The following TAGLN variants were observed in gnomAD, a reference collection of about 807,000 sequenced individuals.
The protein encoded by TAGLN is 22 kDa actin-binding protein.
TAGLN carries 16 observed loss-of-function variants against 21.9 expected under a neutral mutation model. The ratio of observed to expected loss-of-function variants is 0.73; its 90% CI spans 0.49 to 1.11. The LOEUF (loss-of-function observed/expected upper bound fraction) is 1.11. Among genes scored for constraint, TAGLN ranks in the 50% least tolerant of loss-of-function variants. The pLI, the probability that TAGLN is intolerant of heterozygous loss-of-function variation, is 0.00. For missense variants in TAGLN, 248 were observed against 263.2 expected (o/e 0.94, Z 0.40); for synonymous variants, 96 against 94.9 (o/e 1.01, Z -0.06).
Position 117,207,443 on chromosome 11 carries a change from T to C in TAGLN, c.*3084T>C. 1 of 370,622 alleles carries C rather than the reference T, an allele frequency of 2.7e-6. No homozygotes were observed. The highest frequency in any genetic ancestry group is 3.8e-5 in the Admixed American group (1 of 26,296). 23.0% of individuals were successfully genotyped at this position (370,622 alleles called of 1,614,324 possible). ...TAGAAAAAAATGTCTTTCCACCAAA[T>C]TAAAGAAAGCTTTGAAAACCACTGG... On this transcript the variant is annotated 3_prime_UTR_variant, in exon 5 of 5. Coordinates refer to ENST00000392951, the MANE Select transcript of TAGLN (RefSeq NM_003186.5).
chr11:117,204,416 C>T lies in TAGLN; in HGVS notation c.*57C>T, dbSNP rs758729284. 6.2e-7 allele frequency: 1 copy of T among 1,611,614 alleles called. No individual in the cohort carries two copies. The highest frequency in any genetic ancestry group is 1.1e-5 in the South Asian group (1 of 90,878). On this transcript the variant is annotated 3_prime_UTR_variant, in exon 5 of 5. Transcript: ENST00000392951. ...CCCCCAGCTCCTTGGCTGCAGCCAT[C>T]CCGCTTAGCCTGCCTCACCCACACC...
chr11:117,199,911 C>G (rs2031014332), intron 1 of TAGLN: 1 of 152,232 alleles, frequency 6.6e-6, no homozygotes, highest in African/African-American at 2.4e-5. Flanking sequence ...GCAGCGATAG[C>G]CCTGTGACAA....
In TAGLN at chr11:117,203,045, G is replaced by A; in HGVS notation, c.32G>A (p.Ser11Asn). MANKGPSYGMSREVQSKIEKK... is the reference protein window; with the variant it reads MANKGPSYGMNREVQSKIEKK... ...AACAAGGGTCCTTCCTATGGCATGA[G>A]CCGCGAAGTGCAGTCCAAAATCGAG... The change falls in exon 2 of 5, where the codon AGC becomes AAC. Residue 11 changes from serine (S) to asparagine (N), a missense_variant. Ser to Asn is a conservative substitution (Grantham distance 46). Transcript: ENST00000392951. The surrounding 1 kb of genome is among the most constrained non-coding windows in gnomAD (Gnocchi z 4.4). 1 of 1,592,800 alleles carries A rather than the reference G, an allele frequency of 6.3e-7. No homozygotes were observed. The highest frequency in any genetic ancestry group is 1.7e-4 in the Middle Eastern group (1 of 5,940).
chr11:117,203,475 C>CTCTTTGAAGGTA lies in TAGLN; in HGVS notation c.350_358+3dup. The CTCTTTGAAGGTA allele has an allele frequency of 4.3e-6, 7 of 1,613,958 alleles. No homozygotes were observed. The highest frequency in any genetic ancestry group is 5.1e-6 in the Non-Finnish European group (6 of 1,179,888). On this transcript the variant is annotated inframe_insertion, in exon 3 of 5. Transcript: ENST00000392951. This position sits in a 1 kb window ranked among gnomAD's most constrained non-coding sequence, Gnocchi z 4.4. ...GACTGACATGTTCCAGACTGTTGACCTCTTTGAAGGTAGAGAGGAAGAGGC... is the reference window on the plus strand; with the variant it reads ...GACTGACATGTTCCAGACTGTTGACCTCTTTGAAGGTATCTTTGAAGGTAGAGAGGAAGAGGC...
chr11:117,203,148 A>G lies in TAGLN; in HGVS notation c.135A>G (p.Pro45=). 1.9e-6 allele frequency: 3 copies of G among 1,599,562 alleles called. No homozygotes were observed. The highest frequency in any genetic ancestry group is 2.6e-6 in the Non-Finnish European group (3 of 1,171,380). The change falls in exon 2 of 5, where the codon CCA becomes CCG. Residue 45 remains proline, a synonymous_variant. Transcript: ENST00000392951. The surrounding 1 kb of genome is among the most constrained non-coding windows in gnomAD (Gnocchi z 4.4). The part of the protein sequence containing the change: ...IVQCGPDVGR[P]DRGRLGFQVW... ...AGTGTGGCCCTGATGTGGGCCGCCC[A>G]GACCGTGGGCGCTTGGGCTTCCAGG...
Position 117,204,470 on chromosome 11 carries a change from T to C in TAGLN, c.*111T>C. On this transcript the variant is annotated 3_prime_UTR_variant, in exon 5 of 5. Transcript: ENST00000392951. ...GTGGTACCTTCAGCCCTGGCCAAGC[T>C]TTGAGGCTCTGTCACTGAGCAATGG... is the stretch of plus-strand genomic sequence containing the variant. The C allele has an allele frequency of 6.6e-7, 1 of 1,522,574 alleles. No individual in the cohort carries two copies. The highest frequency in any genetic ancestry group is 9.0e-7 in the Non-Finnish European group (1 of 1,113,202). The allele number at this position is 1,522,574 out of a possible 1,614,324, so 94.3% of individuals were successfully genotyped here.
Position 117,204,617 on chromosome 11 carries a change from G to A in TAGLN, c.*258G>A. 1.7e-6 allele frequency: 1 copy of A among 573,316 alleles called. No homozygotes were observed. Among genetic ancestry groups the A allele is most frequent in the East Asian group, 3.3e-5 (1 of 30,642 alleles). 35.5% of individuals were successfully genotyped at this position (573,316 alleles called of 1,614,324 possible). A position where few individuals can be genotyped will look rare whatever the true frequency, so the allele number is the denominator to read the frequency against. On this transcript the variant is annotated 3_prime_UTR_variant, in exon 5 of 5. Transcript: ENST00000392951. ...CCATCACCTCTACTGTCTCCTCCCT[G>A]GGCTAAGCAGGGGAGAAGCGGGCTG...
intron 1 of TAGLN, among the ~76,000 whole-genome samples, chr11:117,199,997 C>A (rs1484332335): frequency 6.6e-6 from 1 of 152,032 alleles, no homozygotes; most frequent in Non-Finnish European, 1.5e-5. Flanking sequence ...TTCTGACAAG[C>A]AGCCCCTTCC....
chr11:117,201,661 G>C (rs2134269556), intron 1 of TAGLN: 1 of 152,402 alleles, frequency 6.6e-6, no homozygotes, highest in South Asian at 2.1e-4. Context: ...GAGAAAGGAA[G>C]GGCAGGGCAT....
chr11:117,204,425 C>G lies in TAGLN; in HGVS notation c.*66C>G, dbSNP rs769208461. 6.2e-7 allele frequency: 1 copy of G among 1,609,136 alleles called. No individual in the cohort carries two copies. The highest frequency in any genetic ancestry group is 8.5e-7 in the Non-Finnish European group (1 of 1,177,124). ...CCTTGGCTGCAGCCATCCCGCTTAG[C>G]CTGCCTCACCCACACCCGTGTGGTA... On this transcript the variant is annotated 3_prime_UTR_variant, in exon 5 of 5. Transcript: ENST00000392951.
chr11:117,206,258 A>G lies in TAGLN; in HGVS notation c.*1899A>G. 1 of 1,614,144 alleles carries G rather than the reference A, an allele frequency of 6.2e-7. No individual in the cohort carries two copies. Among genetic ancestry groups the G allele is most frequent in the Non-Finnish European group, 8.5e-7 (1 of 1,180,028 alleles). On this transcript the variant is annotated 3_prime_UTR_variant, in exon 5 of 5. Coordinates refer to ENST00000392951, the MANE Select transcript of TAGLN (RefSeq NM_003186.5). Reference sequence around the variant, plus strand: ...GGGGCCAGTGGCAGGGTCCACTCCTACAAACTTGATTGGAAGCCACATTCC... The same window carrying G: ...GGGGCCAGTGGCAGGGTCCACTCCTGCAAACTTGATTGGAAGCCACATTCC...
In TAGLN at chr11:117,203,951, C is replaced by T. The variant is rs995188221; in HGVS notation, c.461+67C>T. On this transcript the variant is annotated intron_variant, in intron 4 of 4. Transcript: ENST00000392951. This position sits in a 1 kb window ranked among gnomAD's most constrained non-coding sequence, Gnocchi z 4.4. ...GAGGTGGCTTGTTCTAAGGAGCTTG[C>T]GGGAAGGATTAGGGGAAGCAGATAG... 9 of 1,403,998 alleles carry T rather than the reference C, an allele frequency of 6.4e-6. No homozygotes were observed. Among genetic ancestry groups the T allele is most frequent in the Middle Eastern group, 1.8e-4 (1 of 5,678 alleles). The allele number at this position is 1,403,998 out of a possible 1,614,324, so 87.0% of individuals were successfully genotyped here.
At position 117,203,440 on chromosome 11, in the gene TAGLN, G is replaced by C. The variant is rs774226652; in HGVS notation, c.314G>C (p.Gly105Ala). ...TTCCTGAAGGCGGCTGAGGACTATG[G>C]GGTCATCAAGACTGACATGTTCCAG... ...AQFLKAAEDYGVIKTDMFQTV... is the reference protein window; with the variant it reads ...AQFLKAAEDYAVIKTDMFQTV... Residue 105 changes from glycine to alanine, a missense_variant, in exon 3 of 5, where the codon GGG becomes GCG. Physicochemically the swap from Gly to Ala is moderately conservative, Grantham distance 60. Coordinates refer to ENST00000392951, the MANE Select transcript of TAGLN (RefSeq NM_003186.5). The surrounding 1 kb of genome is among the most constrained non-coding windows in gnomAD (Gnocchi z 4.4). 6.2e-7 allele frequency: 1 copy of C among 1,614,160 alleles called. No individual in the cohort carries two copies. The highest frequency in any genetic ancestry group is 8.5e-7 in the Non-Finnish European group (1 of 1,180,032).
rs765631160 is a variant in TAGLN, at chr11:117,203,760, C to A, written c.359-22C>A. 2 of 1,607,752 alleles carry A rather than the reference C, an allele frequency of 1.2e-6. No homozygotes were observed. The highest frequency in any genetic ancestry group is 1.7e-6 in the Non-Finnish European group (2 of 1,174,744). ...GTTTATACGTTCTTGATGTTCATCT[C>A]CTCTCTCCTGTCTTCTCACAGGCAA... is the stretch of plus-strand genomic sequence containing the variant. On this transcript the variant is annotated intron_variant, in intron 3 of 4. Transcript: ENST00000392951. This position sits in a 1 kb window ranked among gnomAD's most constrained non-coding sequence, Gnocchi z 4.4.
In TAGLN at chr11:117,204,804, CAG is replaced by C; in HGVS notation, c.*448_*449del. 3.3e-6 allele frequency: 1 copy of C among 306,936 alleles called. No individual in the cohort carries two copies. The highest frequency in any genetic ancestry group is 6.4e-6 in the Non-Finnish European group (1 of 156,732). 19.0% of individuals were successfully genotyped at this position (306,936 alleles called of 1,614,324 possible). A position where few individuals can be genotyped will look rare whatever the true frequency, so the allele number is the denominator to read the frequency against. ...TCAATCTTTTCTCAGGCCTGGCTGG[CAG>C]AGTTTGATTTGCCCTGGTCACTTTT... On this transcript the variant is annotated 3_prime_UTR_variant, in exon 5 of 5. Coordinates refer to ENST00000392951, the MANE Select transcript of TAGLN (RefSeq NM_003186.5).
chr11:117,204,791 C>T lies in TAGLN; in HGVS notation c.*432C>T, dbSNP rs2031273473. On this transcript the variant is annotated 3_prime_UTR_variant, in exon 5 of 5. Coordinates refer to ENST00000392951, the MANE Select transcript of TAGLN (RefSeq NM_003186.5). ...AAAAAAAAAAAAATCAATCTTTTCT[C>T]AGGCCTGGCTGGCAGAGTTTGATTT... 3.2e-6 allele frequency: 1 copy of T among 313,184 alleles called. No homozygotes were observed. The highest frequency in any genetic ancestry group is 6.2e-6 in the Non-Finnish European group (1 of 160,046). 19.4% of individuals were successfully genotyped at this position (313,184 alleles called of 1,614,324 possible).
Position 117,204,516 on chromosome 11 carries a change from C to CT in TAGLN, c.*158dup. ...AATGGTAACTGCACCTGGGCAGCTC[C>CT]TCCCTGTGCCCCCAGCCTCAGCCCA... On this transcript the variant is annotated 3_prime_UTR_variant, in exon 5 of 5. Transcript: ENST00000392951. The CT allele has an allele frequency of 8.8e-7, 1 of 1,141,866 alleles. No homozygotes were observed. The highest frequency in any genetic ancestry group is 1.3e-6 in the Non-Finnish European group (1 of 782,914). The allele number at this position is 1,141,866 out of a possible 1,614,324, so 70.7% of individuals were successfully genotyped here.
rs1389757941 is a variant in TAGLN, at chr11:117,203,265, G to A, written c.181-42G>A. On this transcript the variant is annotated intron_variant, in intron 2 of 4. Transcript: ENST00000392951. This position sits in a 1 kb window ranked among gnomAD's most constrained non-coding sequence, Gnocchi z 4.4. ...CCCTGTGAGTCCTGGGCCAATCCCT[G>A]AGCTGACTGCTAAGCTGCGTCCTAT... The A allele has an allele frequency of 6.2e-7, 1 of 1,609,130 alleles. No homozygotes were observed. Among genetic ancestry groups the A allele is most frequent in the Non-Finnish European group, 8.5e-7 (1 of 1,176,116 alleles).
Position 117,204,726 on chromosome 11 carries a change from T to A in TAGLN, c.*367T>A. On this transcript the variant is annotated 3_prime_UTR_variant, in exon 5 of 5. Coordinates refer to ENST00000392951, the MANE Select transcript of TAGLN (RefSeq NM_003186.5). ...AGAAGAACCAGCCCAGCCTGCCCCC[T>A]ATCTTGTCCTGGAATATTTTTGGGG... 1 of 304,802 alleles carries A rather than the reference T, an allele frequency of 3.3e-6. No homozygotes were observed. Among genetic ancestry groups the A allele is most frequent in the Non-Finnish European group, 6.3e-6 (1 of 158,820 alleles). The allele number at this position is 304,802 out of a possible 1,614,324, so 18.9% of individuals were successfully genotyped here.
Sources: allele counts gnomAD v4.1 joint callset (sites outside exome capture counted in the v4.1 genomes callset), GRCh38; gene constraint gnomAD v4.1.1; non-coding constraint Gnocchi (gnomAD v3.1); transcripts MANE v1.5; gene names NCBI Gene and HGNC (gene_info 2026-07-23, HGNC 2026-07-21).